Variants in DIS3L2 observed in about 807,000 individuals in gnomAD.
DIS3L2 encodes DIS3 like 3'-5' exoribonuclease 2.
Under a neutral mutation model 97.5 loss-of-function variants are expected in DIS3L2, and 34 were observed. The ratio of observed to expected loss-of-function variants is 0.35; its 90% confidence interval spans 0.27 to 0.46. The LOEUF is 0.46. Among genes scored for constraint, DIS3L2 ranks in the 20% least tolerant of loss-of-function variants. DIS3L2 has a pLI of 1.00. For synonymous variants in DIS3L2, 435 were observed against 445.2 expected (o/e 0.98, Z 0.29); for missense variants, 1,038 against 1,146.0 (o/e 0.91, Z 1.36).
chr2:232,309,801 C>T (rs1276270893), intron 14 of DIS3L2, among the ~76,000 whole-genome samples: 1 of 152,212 alleles, frequency 6.6e-6, no homozygotes, highest in African/African-American at 2.4e-5. Flanking sequence ...AGGGCAGATG[C>T]AGTGGTGGAT....
chr2:232,181,805 TTTTGTTTG>T (rs145378684), intron 9 of DIS3L2, among the ~76,000 whole-genome samples: 12,122 of 151,714 alleles, frequency 0.08, 1,270 homozygotes, highest in East Asian at 0.51. Flanking sequence ...CCCAGCTAAT[TTTTGTTTG>T]TTTGTTTGTT....
At chr2:232,081,305 T>C (rs1298219279) in intron 5 of DIS3L2, among the ~76,000 whole-genome samples, 1 of 152,142 alleles carries the variant, frequency 6.6e-6, no homozygotes, top group East Asian at 1.9e-4. Flanking sequence ...AAAACTCTGG[T>C]CCACCCATTA....
intron 9 of DIS3L2, among the ~76,000 whole-genome samples, chr2:232,188,878 C>A (rs1487997307): frequency 6.6e-6 from 1 of 152,072 alleles, no homozygotes. Context: ...CGTAAAGAAC[C>A]TTTAAAACCA....
intron 14 of DIS3L2, 28 bp from the exon 15 acceptor site, chr2:232,329,785 T>TGCCCGGGGGGGGGGGGCCCC: frequency 2.1e-6 from 2 of 967,144 alleles, no homozygotes; most frequent in Non-Finnish European, 2.9e-6. Context: ...ACCCCAGCGG[T>TGCCCGGGGGGGGGGGGCCCC]CCCTCCCATC....
intron 11 of DIS3L2, among the ~76,000 whole-genome samples, chr2:232,240,153 G>A (rs958546116): frequency 6.6e-6 from 1 of 152,170 alleles, no homozygotes; most frequent in Non-Finnish European, 1.5e-5. Flanking sequence ...ATATGTGGAG[G>A]CCCTACCTAG....
intron 5 of DIS3L2, among the ~76,000 whole-genome samples, chr2:232,073,380 A>G (rs1441290450): frequency 6.6e-6 from 1 of 152,186 alleles, no homozygotes. Context: ...GTCAGTGGAC[A>G]CAGTTCTCAA....
At chr2:232,146,344 A>G (rs573672341) in intron 8 of DIS3L2, among the ~76,000 whole-genome samples, 1 of 152,324 alleles carries the variant, frequency 6.6e-6, no homozygotes, top group East Asian at 1.9e-4. Flanking sequence ...CTTCTCATGG[A>G]TGATCTTTTT....
chr2:232,231,215 A>C (rs1240238000), intron 10 of DIS3L2, among the ~76,000 whole-genome samples: 2 of 152,238 alleles, frequency 1.3e-5, no homozygotes, highest in Non-Finnish European at 2.9e-5. Flanking sequence ...GTGCCTAGAA[A>C]AGGACTGGTA....
rs138904459 is a variant in DIS3L2, at chr2:232,139,127, A to G, written c.950+2408A>G. 1.6e-3 allele frequency among the ~76,000 whole-genome samples: 247 copies of G among 152,336 alleles called. 4 individuals carry two copies. Among genetic ancestry groups the G allele is most frequent in the African/African-American group, 5.7e-3 (239 of 41,578 alleles). On this transcript the variant is annotated intron_variant, in intron 8 of 20. Transcript: ENST00000325385. ...CTTGAACTAATTTAAATAAAAGTAG[A>G]GATTAATATAAGAAGCTGGTGATTC...
intron 8 of DIS3L2, 53 bp from the exon 9 acceptor site, chr2:232,163,406 C>T: frequency 6.3e-7 from 1 of 1,576,948 alleles, no homozygotes; most frequent in Non-Finnish European, 8.6e-7. Context: ...AGACAGGTAC[C>T]TATGTTCCAT....
chr2:231,971,030 C>T (rs1316866996), intron 1 of DIS3L2, among the ~76,000 whole-genome samples: 3 of 152,202 alleles, frequency 2.0e-5, no homozygotes, highest in East Asian at 1.9e-4. Context: ...TCCACCTTGA[C>T]ATCTTGTCCT....
rs148858972 is a variant in DIS3L2, at chr2:231,990,637, G to A, written c.-93-24198G>A. ...TGGGCCTTATTTGGTAGCAAAGCTT[G>A]TATTTGAGATCTCTTTCAATTTTGG... is the stretch of plus-strand genomic sequence containing the variant. On this transcript the variant is annotated intron_variant, in intron 1 of 20. Transcript: ENST00000325385. Among the ~76,000 whole-genome samples, 126 of 152,244 alleles carry A rather than the reference G, an allele frequency of 8.3e-4. 2 individuals carry two copies. The East Asian group carries it at 0.023, about 27-fold the overall frequency.
At chr2:232,058,961 C>T (rs1695624585) in intron 5 of DIS3L2, among the ~76,000 whole-genome samples, 1 of 152,050 alleles carries the variant, frequency 6.6e-6, no homozygotes, top group Admixed American at 6.5e-5. Context: ...TAACTTATGA[C>T]TTATTTTTTT....
At chr2:232,335,686 C>G (rs1176538824) in intron 19 of DIS3L2, 87 bp from the exon 20 acceptor site, 3 of 1,439,890 alleles carry the variant, frequency 2.1e-6, no homozygotes, top group Non-Finnish European at 2.8e-6. Context: ...GGCTGAGGGC[C>G]GCCTCCAAGC....
intron 3 of DIS3L2, 193 bp downstream of exon 3, chr2:232,015,864 A>C: frequency 2.0e-6 from 1 of 505,174 alleles, no homozygotes; most frequent in South Asian, 3.9e-5. Context: ...TAGAGGTAAT[A>C]AGCACCACAA....
chr2:231,987,312 T>G (rs1342091523), intron 1 of DIS3L2, among the ~76,000 whole-genome samples: 1 of 152,268 alleles, frequency 6.6e-6, no homozygotes, highest in Non-Finnish European at 1.5e-5. Flanking sequence ...AAGATTCTTT[T>G]AACGTCACTA....
At chr2:232,001,399 A>G (rs913164274) in intron 1 of DIS3L2, among the ~76,000 whole-genome samples, 1 of 151,822 alleles carries the variant, frequency 6.6e-6, no homozygotes, top group Non-Finnish European at 1.5e-5. Context: ...AAATTGGATT[A>G]TTTGTTTTCT....
chr2:232,166,428 A>T (rs936844464), intron 9 of DIS3L2, among the ~76,000 whole-genome samples: 1 of 152,188 alleles, frequency 6.6e-6, no homozygotes, highest in Non-Finnish European at 1.5e-5. Context: ...AGGATTTTTT[A>T]AAAAATTACT....
At chr2:232,315,724 C>T (rs756993926) in intron 14 of DIS3L2, among the ~76,000 whole-genome samples, 32 of 152,260 alleles carry the variant, frequency 2.1e-4, no homozygotes, top group Middle Eastern at 3.4e-3. Flanking sequence ...CTCTGATGGC[C>T]GGAACACAGC....
Sources: allele counts gnomAD v4.1 joint callset (sites outside exome capture counted in the v4.1 genomes callset), GRCh38; gene constraint gnomAD v4.1.1; transcripts MANE v1.5; gene names NCBI Gene and HGNC (gene_info 2026-07-23, HGNC 2026-07-21).